The following TDG variants were observed in gnomAD, a reference collection of about 807,000 sequenced individuals.
TDG encodes G/T mismatch-specific thymine DNA glycosylase.
A neutral mutation model predicts 46.1 loss-of-function variants in TDG; 23 were observed. That is an observed-to-expected ratio of 0.50 (90% CI 0.36 to 0.71). The LOEUF (loss-of-function observed/expected upper bound fraction) is 0.71, where lower values mean the gene tolerates loss of function less well. TDG is among the 30% of genes least tolerant of loss of function. The pLI is 0.00. For synonymous variants in TDG, 115 were observed against 161.3 expected, an observed-to-expected ratio of 0.71 and a Z score of 2.18; for missense variants, 304 against 486.7, an observed-to-expected ratio of 0.62 and a Z score of 3.53.
rs769909073 is a variant in TDG, at chr12:103,986,930, G to A, written c.1091-18G>A. 1.5e-6 allele frequency: 2 copies of A among 1,307,048 alleles called. No individual in the cohort carries two copies. The highest frequency in any genetic ancestry group is 9.0e-5 in the East Asian group (2 of 22,226). The allele number at this position is 1,307,048 out of a possible 1,614,324, so 81.0% of individuals were successfully genotyped here. On this transcript the variant is annotated intron_variant, in intron 9 of 9. Coordinates refer to ENST00000392872, the MANE Select transcript of TDG (RefSeq NM_003211.6). ...TTTCTAAATGGCATAAACTAACTTTGTTTTTCTTTTCTGGCAGTTGAGAGC... is the reference window on the plus strand; with the variant it reads ...TTTCTAAATGGCATAAACTAACTTTATTTTTCTTTTCTGGCAGTTGAGAGC...
intron 8 of TDG, 149 bp downstream of exon 8, chr12:103,985,069 A>G (rs1223471330): frequency 5.0e-6 from 2 of 403,972 alleles, no homozygotes; most frequent in South Asian, 4.4e-5. Flanking sequence ...ACATGTGTAT[A>G]TATACATATA....
At chr12:103,966,155 C>T in intron 1 of TDG, 95 bp downstream of exon 1, 1 of 1,362,960 alleles carries the variant, frequency 7.3e-7, no homozygotes, top group South Asian at 1.6e-5. Context: ...CTTTTAAATC[C>T]CGGCCGGAAT....
At chr12:103,979,277 A>C (rs1871698549) in intron 2 of TDG, among the ~76,000 whole-genome samples, 1 of 151,132 alleles carries the variant, frequency 6.6e-6, no homozygotes, top group Non-Finnish European at 1.5e-5. Flanking sequence ...TAATTTTTGT[A>C]TTTTTAGTAA....
At chr12:103,969,527 T>C (rs1228759682) in intron 1 of TDG, among the ~76,000 whole-genome samples, 1 of 152,172 alleles carries the variant, frequency 6.6e-6, no homozygotes, top group East Asian at 1.9e-4. Flanking sequence ...GGTGATAAAA[T>C]TTGTGAGTGA....
chr12:103,982,334 C>T (rs574291430), intron 4 of TDG, among the ~76,000 whole-genome samples: 2 of 152,256 alleles, frequency 1.3e-5, no homozygotes, highest in African/African-American at 2.4e-5. Flanking sequence ...TGTATGTTTA[C>T]GTGTGAGGTG....
chr12:103,981,035 C>A, intron 4 of TDG, 73 bp downstream of exon 4: 3 of 1,350,228 alleles, frequency 2.2e-6, no homozygotes, highest in Non-Finnish European at 3.1e-6. Flanking sequence ...TCAGAAAAAC[C>A]AATTGTGTTT....
chr12:103,967,831 G>C (rs1386699987), intron 1 of TDG: 1 of 142,412 alleles, frequency 7.0e-6, no homozygotes, highest in African/African-American at 2.6e-5. Context: ...TTTTTTTTTT[G>C]TTTTTTTTTT....
chr12:103,966,262 T>A (rs1871016956), intron 1 of TDG, among the ~76,000 whole-genome samples: 1 of 152,166 alleles, frequency 6.6e-6, no homozygotes. Flanking sequence ...CTCTGAGGGT[T>A]ACCTGGTGCA....
At chr12:103,978,890 C>T (rs1362157818) in intron 2 of TDG, among the ~76,000 whole-genome samples, 2 of 151,962 alleles carry the variant, frequency 1.3e-5, no homozygotes, top group Non-Finnish European at 2.9e-5. Flanking sequence ...CCACCCACAA[C>T]AAAAAATTAT....
At chr12:103,976,408 C>CCACACACACACACACACACACA (rs144717913) in intron 1 of TDG, among the ~76,000 whole-genome samples, 8 of 147,450 alleles carry the variant, frequency 5.4e-5, no homozygotes, top group African/African-American at 1.5e-4. Flanking sequence ...CCCTGTCTCC[C>CCACACACACACACACACACACA]CACACACACA....
At chr12:103,975,366 C>T (rs541528365) in intron 1 of TDG, among the ~76,000 whole-genome samples, 2 of 152,218 alleles carry the variant, frequency 1.3e-5, no homozygotes, top group African/African-American at 4.8e-5. Context: ...GTGACTGAAT[C>T]TATTTTGTGT....
At chr12:103,975,271 T>A (rs1871480666) in intron 1 of TDG, among the ~76,000 whole-genome samples, 1 of 152,330 alleles carries the variant, frequency 6.6e-6, no homozygotes, top group Admixed American at 6.5e-5. Context: ...AAAATTTAAA[T>A]CGTGTTCAGA....
intron 1 of TDG, among the ~76,000 whole-genome samples, chr12:103,971,114 G>A (rs771088804): frequency 3.3e-5 from 5 of 152,158 alleles, no homozygotes; most frequent in Non-Finnish European, 5.9e-5. Flanking sequence ...TATATCAAGC[G>A]ACTTGAGCAT....
intron 1 of TDG, among the ~76,000 whole-genome samples, chr12:103,976,381 T>C (rs374480621): frequency 3.4e-4 from 51 of 151,272 alleles, no homozygotes; most frequent in African/African-American, 1.1e-3. Flanking sequence ...CACTCCAACC[T>C]GGGTGACAGA....
intron 2 of TDG, among the ~76,000 whole-genome samples, chr12:103,977,607 A>G (rs1267800790): frequency 1.3e-5 from 2 of 152,238 alleles, no homozygotes; most frequent in Non-Finnish European, 2.9e-5. Context: ...GGATGGGGAC[A>G]GTTGAAACTT....
rs115683616 is a variant in TDG at position 103,980,717 on chromosome 12, C to G, written c.409-176C>G. 277 of 507,016 alleles carry G rather than the reference C, an allele frequency of 5.5e-4. 1 individual carries two copies. Among genetic ancestry groups the G allele is most frequent in the African/African-American group, 5.2e-3 (265 of 50,840 alleles). The allele number at this position is 507,016 out of a possible 1,614,324, so 31.4% of individuals were successfully genotyped here. ...TTTAAAATAAAGAAAATCTCTTTCCCATATATGAAATACTTTGTTCAGATC... is the reference window on the plus strand; with the variant it reads ...TTTAAAATAAAGAAAATCTCTTTCCGATATATGAAATACTTTGTTCAGATC... On this transcript the variant is annotated intron_variant, in intron 3 of 9. Coordinates refer to ENST00000392872, the MANE Select transcript of TDG (RefSeq NM_003211.6).
intron 1 of TDG, 61 bp downstream of exon 1, chr12:103,966,121 G>C: frequency 7.7e-7 from 1 of 1,295,200 alleles, no homozygotes; most frequent in Non-Finnish European, 1.0e-6. Flanking sequence ...AGGCTGGCTG[G>C]CGCGCGCGCG....
intron 1 of TDG, among the ~76,000 whole-genome samples, chr12:103,971,049 T>G (rs367762398): frequency 3.9e-5 from 6 of 152,226 alleles, no homozygotes; most frequent in East Asian, 3.8e-4. Context: ...ATGTAAAGAT[T>G]ATCTAAAGTA....
intron 1 of TDG, among the ~76,000 whole-genome samples, chr12:103,973,977 CTCTT>C (rs1157340906): frequency 1.3e-5 from 2 of 152,136 alleles, no homozygotes; most frequent in Admixed American, 1.3e-4. Flanking sequence ...ACAGGTTAAT[CTCTT>C]TCTCACTCAT....
Sources: gnomAD v4.1 joint callset for allele counts (sites outside exome capture counted in the v4.1 genomes callset) on GRCh38, gnomAD v4.1.1 for gene constraint, MANE v1.5 for transcripts, NCBI Gene and HGNC (gene_info 2026-07-23, HGNC 2026-07-21) for gene names.